Variants in BCAT1 observed in about 807,000 individuals in gnomAD.
The protein encoded by BCAT1 is branched-chain-amino-acid aminotransferase, cytosolic.
In BCAT1, 48 loss-of-function variants were observed where a neutral mutation model predicts 52.4. That is an observed-to-expected ratio of 0.92 (90% CI 0.73 to 1.16). BCAT1 has a LOEUF of 1.16. Ranked by LOEUF, BCAT1 falls within the 50% of genes most tolerant of loss-of-function variation. The pLI is 0.00. For synonymous variants in BCAT1, 167 were observed against 161.3 expected (o/e 1.04, Z -0.27); for missense variants, 451 against 457.1 (o/e 0.99, Z 0.12).
chr12:24,826,805 A>G (rs373493643), intron 10 of BCAT1, among the ~76,000 whole-genome samples: 1 of 152,204 alleles, frequency 6.6e-6, no homozygotes, highest in East Asian at 1.9e-4. Context: ...GTTTTCTTCA[A>G]TTTTTTAAAT....
At chr12:24,859,437 G>A (rs1170463855) in intron 5 of BCAT1, among the ~76,000 whole-genome samples, 1 of 151,946 alleles carries the variant, frequency 6.6e-6, no homozygotes, top group East Asian at 1.9e-4. Flanking sequence ...TGGCTAACAT[G>A]GTGAAACCCC....
At chr12:24,932,996 G>C (rs749491553) in intron 1 of BCAT1, among the ~76,000 whole-genome samples, 3 of 151,528 alleles carry the variant, frequency 2.0e-5, no homozygotes, top group Admixed American at 1.3e-4. Flanking sequence ...ATTTTTAGTA[G>C]AGACGGGGAT....
rs189964230 is a variant in BCAT1 at position 24,843,527 on chromosome 12, C to T, written c.675-1303G>A. Among the ~76,000 whole-genome samples, 13 of 152,146 alleles carry T rather than the reference C, an allele frequency of 8.5e-5. 1 individual carries two copies. Among genetic ancestry groups the T allele is most frequent in the Admixed American group, 3.9e-4 (6 of 15,298 alleles). Reference sequence around the variant, plus strand: ...CTGAGGGAGGAGAATCATCTTAACTCGGGAGGCAAAAGTTGCAGTGAGCCA... The same window carrying T: ...CTGAGGGAGGAGAATCATCTTAACTTGGGAGGCAAAAGTTGCAGTGAGCCA... On this transcript the variant is annotated intron_variant, in intron 6 of 10. Transcript: ENST00000261192.
intron 10 of BCAT1, among the ~76,000 whole-genome samples, chr12:24,826,896 C>T (rs1008792511): frequency 2.0e-5 from 3 of 152,058 alleles, no homozygotes; most frequent in Non-Finnish European, 4.4e-5. Context: ...CTTTTTGTGG[C>T]TATTATAAAT....
At chr12:24,903,012 C>A in intron 1 of BCAT1, 1 of 1,438,120 alleles carries the variant, frequency 7.0e-7, no homozygotes, top group South Asian at 1.4e-5. Flanking sequence ...GGACGCGGGG[C>A]TGCAGAGAGC....
Position 24,812,199 on chromosome 12 carries a change from G to C in BCAT1, c.*5809C>G, listed in dbSNP as rs1449571768. 1 of 152,076 alleles carries C rather than the reference G, an allele frequency of 6.6e-6. No homozygotes were observed. The highest frequency in any genetic ancestry group is 1.5e-5 in the Non-Finnish European group (1 of 67,944). 9.4% of individuals were successfully genotyped at this position (152,076 alleles called of 1,614,324 possible). Reference sequence around the variant, plus strand: ...TGAGTTTAATGATCATAGGAAACTAGTTTGAGGAAACTGCAATGTGTTATT... The same window carrying C: ...TGAGTTTAATGATCATAGGAAACTACTTTGAGGAAACTGCAATGTGTTATT... On this transcript the variant is annotated 3_prime_UTR_variant, in exon 11 of 11. Coordinates refer to ENST00000261192, the MANE Select transcript of BCAT1 (RefSeq NM_005504.7).
chr12:24,818,231 A>G (rs1939960313), intron 10 of BCAT1, among the ~76,000 whole-genome samples, 182 bp from the exon 11 acceptor site: 1 of 152,198 alleles, frequency 6.6e-6, no homozygotes, highest in African/African-American at 2.4e-5. Context: ...AAAGAGGGAC[A>G]CCATATAAAA....
intron 1 of BCAT1, chr12:24,903,703 T>G (rs1943173794): frequency 6.6e-6 from 1 of 152,198 alleles, no homozygotes; most frequent in Admixed American, 6.5e-5. Context: ...AGAGCTCCAA[T>G]CATACTGTTT....
intron 5 of BCAT1, among the ~76,000 whole-genome samples, chr12:24,866,083 C>T (rs2139537325): frequency 6.6e-6 from 1 of 152,334 alleles, no homozygotes; most frequent in South Asian, 2.1e-4. Context: ...GAGGGAGAGG[C>T]ATGGGCGGGA....
rs1197603737 is a variant in BCAT1 at position 24,817,117 on chromosome 12, G to A, written c.*891C>T. 1.3e-5 allele frequency: 2 copies of A among 152,326 alleles called. No individual in the cohort carries two copies. Among genetic ancestry groups the A allele is most frequent in the Non-Finnish European group, 2.9e-5 (2 of 68,162 alleles). 9.4% of individuals were successfully genotyped at this position (152,326 alleles called of 1,614,324 possible). On this transcript the variant is annotated 3_prime_UTR_variant, in exon 11 of 11. Transcript: ENST00000261192. The stretch of plus-strand genomic sequence containing the variant: ...TTTCCTAAACTAACTATGCTTCAGA[G>A]TATCTCTAATGACTTAGTAGCTCAT...
intron 5 of BCAT1, among the ~76,000 whole-genome samples, chr12:24,850,992 G>A (rs1941492792): frequency 6.6e-6 from 1 of 152,128 alleles, no homozygotes; most frequent in Non-Finnish European, 1.5e-5. Context: ...AAAGCCAGAA[G>A]CCCACAATGC....
intron 5 of BCAT1, among the ~76,000 whole-genome samples, chr12:24,876,462 T>C (rs1942346741): frequency 1.3e-5 from 2 of 152,232 alleles, no homozygotes; most frequent in South Asian, 4.1e-4. Context: ...TATAATTCAT[T>C]CATTAATAAT....
chr12:24,840,657 C>G (rs1252854550), intron 7 of BCAT1, among the ~76,000 whole-genome samples: 1 of 152,170 alleles, frequency 6.6e-6, no homozygotes, highest in Non-Finnish European at 1.5e-5. Flanking sequence ...CAGTATAAGA[C>G]TCATCTTGTT....
intron 2 of BCAT1, among the ~76,000 whole-genome samples, chr12:24,899,855 A>T (rs2139672118): frequency 6.6e-6 from 1 of 151,848 alleles, no homozygotes; most frequent in East Asian, 1.9e-4. Context: ...AGTTGATCTC[A>T]TGGAGGAAGA....
intron 1 of BCAT1, among the ~76,000 whole-genome samples, chr12:24,923,675 G>T (rs1943535426): frequency 1.3e-5 from 2 of 152,138 alleles, no homozygotes; most frequent in Admixed American, 6.5e-5. Flanking sequence ...TTCCCATAGT[G>T]CTGGAATTAC....
At chr12:24,868,331 G>GAA (rs761895216) in intron 5 of BCAT1, among the ~76,000 whole-genome samples, 1 of 148,688 alleles carries the variant, frequency 6.7e-6, no homozygotes, top group Non-Finnish European at 1.5e-5. Context: ...TAGGAAAATG[G>GAA]AAAAAAAAAT....
rs892643111 is a variant in BCAT1 at position 24,815,011 on chromosome 12, A to G, written c.*2997T>C. The G allele has an allele frequency of 1.7e-4, 26 of 152,194 alleles. No homozygotes were observed. Among genetic ancestry groups the G allele is most frequent in the Admixed American group, 1.6e-3 (24 of 15,270 alleles). 9.4% of individuals were successfully genotyped at this position (152,194 alleles called of 1,614,324 possible). On this transcript the variant is annotated 3_prime_UTR_variant, in exon 11 of 11. Transcript: ENST00000261192. ...TTTATTCATTCCTGTGCTAGAGAGC[A>G]TGGAACACATCTCTGAAGTCAACTC...
In BCAT1 at chr12:24,828,251, T is replaced by C. The variant is rs1009965020; in HGVS notation, c.1119+1572A>G. 3.3e-5 allele frequency among the ~76,000 whole-genome samples: 5 copies of C among 152,254 alleles called. No individual in the cohort carries two copies. In the East Asian group the frequency reaches 9.6e-4, roughly 29 times the overall value. On this transcript the variant is annotated intron_variant, in intron 10 of 10. Coordinates refer to ENST00000261192, the MANE Select transcript of BCAT1 (RefSeq NM_005504.7). ...TTTACTAATTGACAAGGATAGTAAC[T>C]GGCTTCAACAAAGTCTTCTAACTTG...
intron 1 of BCAT1, among the ~76,000 whole-genome samples, chr12:24,947,486 A>T (rs150047710): frequency 0.017 from 2,612 of 152,352 alleles, 41 homozygotes; most frequent in Non-Finnish European, 0.021. Flanking sequence ...TGATAGCAAT[A>T]CATATTTAAG....
Sources: allele counts gnomAD v4.1 joint callset (sites outside exome capture counted in the v4.1 genomes callset), GRCh38; gene constraint gnomAD v4.1.1; transcripts MANE v1.5; gene names NCBI Gene and HGNC (gene_info 2026-07-23, HGNC 2026-07-21).